The following DCBLD2 variants were observed in gnomAD, a reference collection of about 807,000 sequenced individuals.
The protein encoded by DCBLD2 is discoidin, CUB and LCCL domain containing 2, also known as discoidin, CUB and LCCL domain-containing protein 2.
In DCBLD2, 54 loss-of-function variants were observed where a neutral mutation model predicts 86.8. The observed-to-expected ratio is 0.62, with a 90% CI of 0.50 to 0.78. The LOEUF is 0.78. Among genes scored for constraint, DCBLD2 ranks in the 30% least tolerant of loss-of-function variants. DCBLD2 has a pLI of 0.00. For synonymous variants in DCBLD2, 354 were observed against 341.3 expected, an observed-to-expected ratio of 1.04 and a Z score of -0.41; for missense variants, 908 against 954.2, an observed-to-expected ratio of 0.95 and a Z score of 0.64.
intron 3 of DCBLD2, among the ~76,000 whole-genome samples, chr3:98,839,398 C>A (rs1942579043): frequency 6.6e-6 from 1 of 152,110 alleles, no homozygotes; most frequent in South Asian, 2.1e-4. Flanking sequence ...ATGAAGGCGG[C>A]ACACACTAGC....
chr3:98,817,730 A>G, intron 9 of DCBLD2, 39 bp downstream of exon 9: 1 of 1,604,692 alleles, frequency 6.2e-7, no homozygotes. Context: ...CCACCCATTT[A>G]AAAAATGTTT....
At chr3:98,900,062 G>A (rs1198700880) in intron 1 of DCBLD2, among the ~76,000 whole-genome samples, 1 of 152,132 alleles carries the variant, frequency 6.6e-6, no homozygotes, top group African/African-American at 2.4e-5. Context: ...GATGTAAGGG[G>A]TCAGTTTGCC....
intron 3 of DCBLD2, among the ~76,000 whole-genome samples, chr3:98,830,383 G>A (rs1559777147): frequency 6.6e-6 from 1 of 152,184 alleles, no homozygotes; most frequent in African/African-American, 2.4e-5. Context: ...TTACATTTAA[G>A]TGTTTAATCT....
At chr3:98,870,757 G>GAAAAGAAAGAAAGAAAGA (rs71124008) in intron 2 of DCBLD2, among the ~76,000 whole-genome samples, 3 of 111,438 alleles carry the variant, frequency 2.7e-5, no homozygotes, top group African/African-American at 1.0e-4. Context: ...AAGAAAGAAA[G>GAAAAGAAAGAAAGAAAGA]AAAGAAAGAA....
intron 3 of DCBLD2, among the ~76,000 whole-genome samples, chr3:98,839,121 TTC>T (rs1295097820): frequency 3.0e-5 from 3 of 100,458 alleles, no homozygotes; most frequent in African/African-American, 8.1e-5. Context: ...TTCTTTCTTT[TTC>T]TTTCTTTCCT....
chr3:98,850,291 T>A (rs997818445), intron 2 of DCBLD2, among the ~76,000 whole-genome samples: 1 of 152,188 alleles, frequency 6.6e-6, no homozygotes, highest in African/African-American at 2.4e-5. Context: ...ATAAAATGCA[T>A]TAACACTAAT....
chr3:98,894,500 G>A (rs554824091), intron 1 of DCBLD2, among the ~76,000 whole-genome samples: 2 of 152,280 alleles, frequency 1.3e-5, no homozygotes, highest in South Asian at 4.1e-4. Context: ...CATCTGAGGG[G>A]AGCAGAGCTT....
At chr3:98,896,336 A>G (rs562984832) in intron 1 of DCBLD2, among the ~76,000 whole-genome samples, 1 of 152,342 alleles carries the variant, frequency 6.6e-6, no homozygotes, top group South Asian at 2.1e-4. Flanking sequence ...CTAAACTAAC[A>G]TTTTGAACTG....
intron 1 of DCBLD2, among the ~76,000 whole-genome samples, chr3:98,889,775 T>C (rs1405087353): frequency 6.6e-6 from 1 of 152,002 alleles, no homozygotes; most frequent in Non-Finnish European, 1.5e-5. Context: ...AATGAATGAG[T>C]TGAACAAAAT....
At chr3:98,839,940 G>T (rs1004536125) in intron 3 of DCBLD2, among the ~76,000 whole-genome samples, 1 of 152,122 alleles carries the variant, frequency 6.6e-6, no homozygotes, top group Non-Finnish European at 1.5e-5. Context: ...TGAGGTGTTA[G>T]GTATTTGAAT....
chr3:98,832,358 G>A (rs193184541), intron 3 of DCBLD2, among the ~76,000 whole-genome samples: 58 of 152,234 alleles, frequency 3.8e-4, no homozygotes, highest in Admixed American at 7.2e-4. Flanking sequence ...TCCTGAAGAC[G>A]GCGTATCATT....
intron 13 of DCBLD2, among the ~76,000 whole-genome samples, chr3:98,807,448 G>A (rs1428273583): frequency 6.6e-6 from 1 of 152,230 alleles, no homozygotes; most frequent in Non-Finnish European, 1.5e-5. Flanking sequence ...GAGAGGATCG[G>A]GCAAGAAGGC....
chr3:98,876,412 TAAAAAAAAAAAAA>T (rs60681986), intron 2 of DCBLD2, among the ~76,000 whole-genome samples: 10 of 47,532 alleles, frequency 2.1e-4, no homozygotes, highest in South Asian at 1.2e-3. Context: ...AGATAAAAAG[TAAAAAAAAAAAAA>T]AAAAAAAAAA....
chr3:98,834,142 C>CTTTTTTTTTTTTTTTTTTTTTAAA (rs10588325), intron 3 of DCBLD2, among the ~76,000 whole-genome samples: 1 of 124,918 alleles, frequency 8.0e-6, no homozygotes, highest in African/African-American at 2.9e-5. Flanking sequence ...GAGTTGTTTT[C>CTTTTTTTTTTTTTTTTTTTTTAAA]TTTTTTTTTT....
rs769136439 is a variant in DCBLD2 at position 98,822,216 on chromosome 3, A to G, written c.830+12T>C. On this transcript the variant is annotated intron_variant, in intron 6 of 15. Coordinates refer to ENST00000326840, the MANE Select transcript of DCBLD2 (RefSeq NM_080927.4). ...ATATAGCATATATTTTTTAAATTGC[A>G]TATATACTTACACCACAGATGTGAC... is the stretch of plus-strand genomic sequence containing the variant. 2.0e-5 allele frequency: 32 copies of G among 1,613,222 alleles called. No individual in the cohort carries two copies. In the African/African-American group the frequency reaches 4.1e-4, roughly 21 times the overall value.
chr3:98,820,130 T>G (rs1388662712), intron 7 of DCBLD2, 118 bp downstream of exon 7: 3 of 522,590 alleles, frequency 5.7e-6, no homozygotes, highest in Non-Finnish European at 9.1e-6. Flanking sequence ...TCTTACCTCA[T>G]AGTGTTATTA....
chr3:98,822,645 C>T, intron 5 of DCBLD2, 24 bp downstream of exon 5: 1 of 1,543,228 alleles, frequency 6.5e-7, no homozygotes, highest in Non-Finnish European at 8.7e-7. Flanking sequence ...TCACAATTTT[C>T]AAATAAGTTT....
chr3:98,897,598 G>C (rs1252297410), intron 1 of DCBLD2, among the ~76,000 whole-genome samples: 2 of 152,002 alleles, frequency 1.3e-5, no homozygotes, highest in African/African-American at 4.8e-5. Flanking sequence ...GCAAATAAAG[G>C]CATTCCTTGA....
chr3:98,808,222 C>A, intron 12 of DCBLD2, 48 bp from the exon 13 acceptor site: 5 of 1,481,104 alleles, frequency 3.4e-6, no homozygotes, highest in Non-Finnish European at 4.5e-6. Context: ...ATATTAACAC[C>A]AAAGGCAGAA....
Sources: gnomAD v4.1 joint callset for allele counts (sites outside exome capture counted in the v4.1 genomes callset) on GRCh38, gnomAD v4.1.1 for gene constraint, MANE v1.5 for transcripts, NCBI Gene and HGNC (gene_info 2026-07-23, HGNC 2026-07-21) for gene names.